DARS1: variants seen among roughly 807,000 people sequenced by gnomAD.
DARS1 encodes aspartate--tRNA ligase, cytoplasmic.
Under a neutral mutation model 68.8 loss-of-function variants are expected in DARS1, and 51 were observed. That is an observed-to-expected ratio of 0.74 (90% CI 0.59 to 0.94). The LOEUF is 0.94. Among genes scored for constraint, DARS1 ranks in the 40% least tolerant of loss-of-function variants. The pLI is 0.00. For synonymous variants in DARS1, 203 were observed against 190.4 expected (o/e 1.07, Z -0.55); for missense variants, 607 against 597.3 (o/e 1.02, Z -0.17).
Position 135,924,352 on chromosome 2 carries a change from T to G in DARS1, c.676+35A>C, listed in dbSNP as rs556563448. ...AGCAACTCTGGGGAGAGCAAATTTATTTTTAAAAATTAAGAGAAATATTTT... is the reference window on the plus strand; with the variant it reads ...AGCAACTCTGGGGAGAGCAAATTTAGTTTTAAAAATTAAGAGAAATATTTT... On this transcript the variant is annotated intron_variant, in intron 8 of 15. Coordinates refer to ENST00000264161, the MANE Select transcript of DARS1 (RefSeq NM_001349.4). The G allele has an allele frequency of 3.2e-6, 5 of 1,545,088 alleles. No individual in the cohort carries two copies. The South Asian group carries it at 5.0e-5, about 16-fold the overall frequency.
intron 11 of DARS1, 25 bp downstream of exon 11, chr2:135,916,201 T>G (rs1558777548): frequency 1.4e-6 from 2 of 1,418,904 alleles, no homozygotes; most frequent in Middle Eastern, 1.8e-4. Flanking sequence ...GAACTTAAAG[T>G]AAAAAAAAAG....
rs761804332 is a variant in DARS1, at chr2:135,920,603, G to A, written c.812-3C>T. The stretch of plus-strand genomic sequence containing the variant: ...ATTAGAGTCTTCCGCTCTGAATACT[G>A]TGAAGTTAATAAAAGAAATAGAGAG... On this transcript the variant is annotated splice_polypyrimidine_tract_variant and splice_region_variant and intron_variant, in intron 9 of 15. Transcript: ENST00000264161. 1 of 1,577,926 alleles carries A rather than the reference G, an allele frequency of 6.3e-7. No homozygotes were observed. The highest frequency in any genetic ancestry group is 8.6e-7 in the Non-Finnish European group (1 of 1,166,996).
At chr2:135,938,545 C>T (rs1416517246) in intron 5 of DARS1, among the ~76,000 whole-genome samples, 4 of 152,172 alleles carry the variant, frequency 2.6e-5, no homozygotes, top group South Asian at 4.1e-4. Flanking sequence ...CGAGGAGCTG[C>T]GTTCCTTTGG....
At chr2:135,916,408 A>C in intron 10 of DARS1, 36 bp from the exon 11 acceptor site, 1 of 1,315,478 alleles carries the variant, frequency 7.6e-7, no homozygotes, top group Non-Finnish European at 1.1e-6. Context: ...AAAATGTATG[A>C]GATAAATGTT....
chr2:135,944,927 C>T (rs1455402907), intron 4 of DARS1, among the ~76,000 whole-genome samples: 6 of 152,138 alleles, frequency 3.9e-5, no homozygotes, highest in African/African-American at 1.4e-4. Context: ...AGGTTTTCTC[C>T]TCTGTATCGA....
At chr2:135,927,238 AAAG>A (rs1270558304) in intron 7 of DARS1, among the ~76,000 whole-genome samples, 1 of 152,182 alleles carries the variant, frequency 6.6e-6, no homozygotes, top group Non-Finnish European at 1.5e-5. Context: ...GTATATAACA[AAAG>A]AAAAGTATGT....
chr2:135,943,514 C>T, intron 4 of DARS1, 34 bp from the exon 5 acceptor site: 1 of 1,608,124 alleles, frequency 6.2e-7, no homozygotes, highest in Non-Finnish European at 8.5e-7. Context: ...CTTGAATCAT[C>T]TCATCAGAGG....
intron 4 of DARS1, among the ~76,000 whole-genome samples, chr2:135,960,283 C>T (rs1230703087): frequency 6.6e-6 from 1 of 152,152 alleles, no homozygotes; most frequent in East Asian, 1.9e-4. Flanking sequence ...CAATTCATGG[C>T]ACTTAAGTTC....
chr2:135,937,590 G>A (rs546665697), intron 5 of DARS1, among the ~76,000 whole-genome samples: 4 of 152,192 alleles, frequency 2.6e-5, no homozygotes, highest in South Asian at 2.1e-4. Context: ...TAGCATCGAC[G>A]GTCTTTACAA....
chr2:135,908,312 C>T (rs1680829113), intron 15 of DARS1, among the ~76,000 whole-genome samples: 1 of 152,194 alleles, frequency 6.6e-6, no homozygotes, highest in African/African-American at 2.4e-5. Flanking sequence ...AAAAAATCTA[C>T]CATCTGAACC....
intron 5 of DARS1, among the ~76,000 whole-genome samples, chr2:135,934,593 GC>G (rs1681425768): frequency 6.6e-6 from 1 of 151,996 alleles, no homozygotes; most frequent in South Asian, 2.1e-4. Flanking sequence ...CTGCACTCCA[GC>G]CTGGGTGACA....
chr2:135,919,673 G>C (rs1203002114), intron 10 of DARS1, among the ~76,000 whole-genome samples: 2 of 152,152 alleles, frequency 1.3e-5, no homozygotes, highest in Non-Finnish European at 2.9e-5. Context: ...GACCTGTAAA[G>C]GGAAGAGCTC....
chr2:135,954,673 C>G (rs1558792788), intron 4 of DARS1, among the ~76,000 whole-genome samples: 1 of 152,136 alleles, frequency 6.6e-6, no homozygotes, highest in African/African-American at 2.4e-5. Context: ...AGTTACTATA[C>G]TGAGTTTTAA....
chr2:135,944,125 T>C (rs1202986985), intron 4 of DARS1, among the ~76,000 whole-genome samples: 1 of 152,206 alleles, frequency 6.6e-6, no homozygotes, highest in Non-Finnish European at 1.5e-5. Context: ...ACTTGAATTC[T>C]GAACACCAGA....
In DARS1 at chr2:135,907,129, C is replaced by A. The variant is rs1312619758; in HGVS notation, c.*187G>T. The A allele has an allele frequency of 2.3e-6, 1 of 430,832 alleles. No homozygotes were observed. Among genetic ancestry groups the A allele is most frequent in the East Asian group, 4.0e-5 (1 of 25,092 alleles). 26.7% of individuals were successfully genotyped at this position (430,832 alleles called of 1,614,324 possible). A position where few individuals can be genotyped will look rare whatever the true frequency, so the allele number is the denominator to read the frequency against. ...TAAACGAACCTATACTGAATTACTC[C>A]AAAAATAACAGTGATATTTTAGGGC... On this transcript the variant is annotated 3_prime_UTR_variant, in exon 16 of 16. Coordinates refer to ENST00000264161, the MANE Select transcript of DARS1 (RefSeq NM_001349.4).
At chr2:135,945,547 A>T (rs544974751) in intron 4 of DARS1, among the ~76,000 whole-genome samples, 118 of 152,288 alleles carry the variant, frequency 7.7e-4, no homozygotes, top group African/African-American at 2.5e-3. Context: ...GCAAAAAAAA[A>T]TTCCCTCTTC....
intron 12 of DARS1, among the ~76,000 whole-genome samples, chr2:135,913,602 C>T (rs1680942365): frequency 6.6e-6 from 1 of 151,792 alleles, no homozygotes; most frequent in African/African-American, 2.4e-5. Context: ...ACTAAAAACA[C>T]AAAAAATTAG....
chr2:135,974,534 C>G (rs150038422), intron 3 of DARS1, among the ~76,000 whole-genome samples: 1 of 152,280 alleles, frequency 6.6e-6, no homozygotes, highest in Non-Finnish European at 1.5e-5. Context: ...TCCTGACAAA[C>G]AGAAAACTTG....
chr2:135,980,208 G>C (rs1160447987), intron 2 of DARS1, among the ~76,000 whole-genome samples: 1 of 152,116 alleles, frequency 6.6e-6, no homozygotes, highest in Non-Finnish European at 1.5e-5. Flanking sequence ...CATTCATCTA[G>C]AGTTCCTAAA....
Sources: allele counts gnomAD v4.1 joint callset (sites outside exome capture counted in the v4.1 genomes callset), GRCh38; gene constraint gnomAD v4.1.1; transcripts MANE v1.5; gene names NCBI Gene and HGNC (gene_info 2026-07-23, HGNC 2026-07-21).